Variants in PPFIBP1 observed in about 807,000 individuals in gnomAD.
PPFIBP1 encodes liprin-beta-1.
A neutral mutation model predicts 137.8 loss-of-function variants in PPFIBP1; 112 were observed. The observed-to-expected ratio is 0.81, with a 90% CI of 0.70 to 0.95. The LOEUF (loss-of-function observed/expected upper bound fraction) is 0.95, where lower values mean the gene tolerates loss of function less well. PPFIBP1 is among the 40% of genes least tolerant of loss of function. The pLI is 0.00. For missense variants in PPFIBP1, 1,083 were observed against 1,196.6 expected, an observed-to-expected ratio of 0.91 and a Z score of 1.40; for synonymous variants, 378 against 417.3, an observed-to-expected ratio of 0.91 and a Z score of 1.15.
At chr12:27,622,224 C>T (rs2056406932) in intron 2 of PPFIBP1, among the ~76,000 whole-genome samples, 1 of 152,142 alleles carries the variant, frequency 6.6e-6, no homozygotes, top group African/African-American at 2.4e-5. Flanking sequence ...AGTTTCCAAT[C>T]AGAGTGTGAT....
chr12:27,542,838 G>A lies in PPFIBP1; in HGVS notation c.-124+18473G>A, dbSNP rs960622419. ...CGTAGGCAAAACATGTTTTGTCTAC[G>A]TGTTCATGTAAAAAGCACAGACGGC... On this transcript the variant is annotated intron_variant, in intron 1 of 29. Coordinates refer to ENST00000228425, the MANE Select transcript of PPFIBP1 (RefSeq NM_003622.4). Among the ~76,000 whole-genome samples, 9 of 152,266 alleles carry A rather than the reference G, an allele frequency of 5.9e-5. No individual in the cohort carries two copies. In the East Asian group the frequency reaches 9.6e-4, roughly 16 times the overall value.
At chr12:27,646,406 T>A (rs1385388441) in intron 5 of PPFIBP1, 8 of 430,092 alleles carry the variant, frequency 1.9e-5, no homozygotes, top group East Asian at 5.2e-5. Flanking sequence ...GTCTGATCTG[T>A]TCTTTTTTTT....
At position 27,667,263 on chromosome 12, in the gene PPFIBP1, C is replaced by T. The variant is rs1000873244; in HGVS notation, c.1089C>T (p.Pro363=). 2 of 1,613,536 alleles carry T rather than the reference C, an allele frequency of 1.2e-6. No individual in the cohort carries two copies. The highest frequency in any genetic ancestry group is 3.3e-5 in the Admixed American group (2 of 59,940). ...GTGATCTGGAGAAAAGTCCATCACCCACTCCAGTAATGGGATCTCCCAGTT... is the reference window on the plus strand; with the variant it reads ...GTGATCTGGAGAAAAGTCCATCACCTACTCCAGTAATGGGATCTCCCAGTT... The part of the protein sequence containing the change: ...GFSDLEKSPS[P]TPVMGSPSCD... Residue 363 remains proline, a synonymous_variant, in exon 13 of 30, where the codon CCC becomes CCT. Coordinates refer to ENST00000228425, the MANE Select transcript of PPFIBP1 (RefSeq NM_003622.4).
chr12:27,592,572 A>C (rs2137336261), intron 2 of PPFIBP1: 2 of 1,446,048 alleles, frequency 1.4e-6, no homozygotes, highest in East Asian at 4.6e-5. Context: ...TCACAGGATG[A>C]TACCTCCTCA....
chr12:27,559,915 T>C (rs1271380955), intron 1 of PPFIBP1, among the ~76,000 whole-genome samples: 1 of 152,198 alleles, frequency 6.6e-6, no homozygotes, highest in Non-Finnish European at 1.5e-5. Flanking sequence ...GCTGAAGCTG[T>C]TTCTTTCTCC....
chr12:27,660,844 A>G (rs773812161), intron 10 of PPFIBP1, 40 bp from the exon 11 acceptor site: 5 of 1,606,096 alleles, frequency 3.1e-6, no homozygotes, highest in Non-Finnish European at 4.2e-6. Context: ...ACTGTCACAC[A>G]TGTGAACTGA....
chr12:27,669,639 C>A (rs1030496775), intron 13 of PPFIBP1, among the ~76,000 whole-genome samples: 2 of 152,124 alleles, frequency 1.3e-5, no homozygotes, highest in Admixed American at 1.3e-4. Flanking sequence ...TCTCAAGAGA[C>A]AAATGAACTT....
chr12:27,649,210 C>G (rs964010805), intron 6 of PPFIBP1, among the ~76,000 whole-genome samples: 1 of 152,180 alleles, frequency 6.6e-6, no homozygotes, highest in Non-Finnish European at 1.5e-5. Flanking sequence ...AGCAAAACCT[C>G]GTAGGTTTCC....
chr12:27,672,940 A>G (rs1161904150), intron 15 of PPFIBP1, among the ~76,000 whole-genome samples: 4 of 146,756 alleles, frequency 2.7e-5, no homozygotes, highest in Admixed American at 2.1e-4. Context: ...AGGAAAGTCT[A>G]TTTTCAGAGC....
intron 2 of PPFIBP1, among the ~76,000 whole-genome samples, chr12:27,588,593 G>A (rs1431746820): frequency 1.3e-5 from 2 of 152,144 alleles, no homozygotes; most frequent in African/African-American, 4.8e-5. Context: ...CAGGAAACCT[G>A]TACCCTAGGG....
chr12:27,642,642 G>A (rs1296923857), intron 4 of PPFIBP1, among the ~76,000 whole-genome samples: 1 of 152,160 alleles, frequency 6.6e-6, no homozygotes, highest in Non-Finnish European at 1.5e-5. Flanking sequence ...AAGGAGAATG[G>A]CACCATGTAA....
intron 5 of PPFIBP1, among the ~76,000 whole-genome samples, chr12:27,647,460 ATGGT>A (rs1221957995): frequency 2.6e-5 from 4 of 152,226 alleles, no homozygotes; most frequent in African/African-American, 9.6e-5. Flanking sequence ...TCTTTCATAA[ATGGT>A]TGAAGTAGCT....
At chr12:27,664,289 G>T in intron 11 of PPFIBP1, 73 bp from the exon 12 acceptor site, 1 of 960,240 alleles carries the variant, frequency 1.0e-6, no homozygotes, top group Non-Finnish European at 1.6e-6. Context: ...TATTCTTTAT[G>T]CAATTCTTTA....
chr12:27,559,005 A>C (rs2048940684), intron 1 of PPFIBP1, among the ~76,000 whole-genome samples: 2 of 151,922 alleles, frequency 1.3e-5, no homozygotes, highest in South Asian at 2.1e-4. Context: ...GACTACAGAC[A>C]TGTGCCACCA....
rs2059101708 is a variant in PPFIBP1, at chr12:27,654,919, G to C, written c.696+105G>C. On this transcript the variant is annotated intron_variant, in intron 8 of 29. Transcript: ENST00000228425. ...TTTCTACTTAATGTATGATAAAGAA[G>C]GTATTTTAAAAGTAAATGAAGATTT... is the stretch of plus-strand genomic sequence containing the variant. 4 of 1,440,376 alleles carry C rather than the reference G, an allele frequency of 2.8e-6. No homozygotes were observed. In the South Asian group the frequency reaches 6.1e-5, roughly 22 times the overall value. The allele number at this position is 1,440,376 out of a possible 1,614,324, so 89.2% of individuals were successfully genotyped here. A position where few individuals can be genotyped will look rare whatever the true frequency, so the allele number is the denominator to read the frequency against.
intron 2 of PPFIBP1, among the ~76,000 whole-genome samples, chr12:27,611,143 G>A (rs114255039): frequency 0.018 from 2,727 of 152,178 alleles, 83 homozygotes; most frequent in African/African-American, 0.062. Context: ...TCATTACTGG[G>A]GCATGAAAGA....
At chr12:27,587,287 G>C (rs1029575370) in intron 2 of PPFIBP1, among the ~76,000 whole-genome samples, 1 of 152,108 alleles carries the variant, frequency 6.6e-6, no homozygotes, top group African/African-American at 2.4e-5. Flanking sequence ...GTTTTATTTA[G>C]AGTAAATGTT....
At chr12:27,677,021 A>T (rs200568038) in intron 18 of PPFIBP1, 43 bp from the exon 19 acceptor site, 2 of 1,613,922 alleles carry the variant, frequency 1.2e-6, no homozygotes, top group African/African-American at 1.3e-5. Flanking sequence ...TGTTCTCTCC[A>T]TTGGGCTGCG....
chr12:27,542,579 ATGC>A (rs1284136508), intron 1 of PPFIBP1, among the ~76,000 whole-genome samples: 2 of 152,230 alleles, frequency 1.3e-5, no homozygotes, highest in East Asian at 3.8e-4. Flanking sequence ...AAAGCTGAAA[ATGC>A]TGCTGTTCTT....
Sources: gnomAD v4.1 joint callset for allele counts (sites outside exome capture counted in the v4.1 genomes callset) on GRCh38, gnomAD v4.1.1 for gene constraint, MANE v1.5 for transcripts, NCBI Gene and HGNC (gene_info 2026-07-23, HGNC 2026-07-21) for gene names.